Variants in SLC1A2 observed in about 807,000 individuals in gnomAD.
SLC1A2 encodes the protein excitatory amino acid transporter 2.
SLC1A2 carries 15 observed loss-of-function variants against 48.8 expected under a neutral mutation model. That is an observed-to-expected ratio of 0.31 (90% confidence interval 0.21 to 0.47). The LOEUF (loss-of-function observed/expected upper bound fraction) is 0.47, where lower values mean the gene tolerates loss of function less well. Among genes scored for constraint, SLC1A2 ranks in the 20% least tolerant of loss-of-function variants. SLC1A2 has a pLI of 0.99. For missense variants in SLC1A2, 502 were observed against 730.5 expected (o/e 0.69, Z 3.61); for synonymous variants, 279 against 272.6 (o/e 1.02, Z -0.23).
At chr11:35,304,874 C>T (rs2134821393) in intron 5 of SLC1A2, among the ~76,000 whole-genome samples, 1 of 152,176 alleles carries the variant, frequency 6.6e-6, no homozygotes, top group African/African-American at 2.4e-5. Flanking sequence ...AAACTATTTG[C>T]TTTTTATCTA....
At chr11:35,395,608 G>A (rs984441386) in intron 1 of SLC1A2, among the ~76,000 whole-genome samples, 1 of 151,840 alleles carries the variant, frequency 6.6e-6, no homozygotes, top group Non-Finnish European at 1.5e-5. Flanking sequence ...GAATATACCT[G>A]AGCCACAGTC....
intron 1 of SLC1A2, among the ~76,000 whole-genome samples, chr11:35,377,088 G>A (rs989886852): frequency 2.0e-5 from 3 of 152,152 alleles, no homozygotes; most frequent in Admixed American, 6.5e-5. Flanking sequence ...TCCAATGTGC[G>A]GGGCACTGAC....
chr11:35,397,950 T>G (rs1855016643), intron 1 of SLC1A2, among the ~76,000 whole-genome samples: 1 of 152,242 alleles, frequency 6.6e-6, no homozygotes, highest in Non-Finnish European at 1.5e-5. Flanking sequence ...CTCCATTTTC[T>G]TCTTTCTCCC....
intron 9 of SLC1A2, among the ~76,000 whole-genome samples, chr11:35,274,805 T>C (rs1850388164): frequency 6.6e-6 from 1 of 152,250 alleles, no homozygotes; most frequent in South Asian, 2.1e-4. Context: ...AACGAGCCCA[T>C]GTAAAGTGCT....
intron 10 of SLC1A2, chr11:35,264,178 T>C (rs887736451): frequency 6.6e-6 from 1 of 152,200 alleles, no homozygotes; most frequent in African/African-American, 2.4e-5. Flanking sequence ...TGTTCACCCA[T>C]GTATGTATCT....
At chr11:35,313,426 A>G (rs1320989055) in intron 3 of SLC1A2, among the ~76,000 whole-genome samples, 1 of 152,200 alleles carries the variant, frequency 6.6e-6, no homozygotes, top group Admixed American at 6.5e-5. Flanking sequence ...TTCCAAGCAA[A>G]TTCACAAAAA....
At chr11:35,300,439 G>A (rs1236771390) in intron 6 of SLC1A2, among the ~76,000 whole-genome samples, 3 of 152,346 alleles carry the variant, frequency 2.0e-5, no homozygotes, top group South Asian at 2.1e-4. Flanking sequence ...ATTAGGTGAT[G>A]AGGGCTGTGC....
At chr11:35,377,787 A>G (rs371047161) in intron 1 of SLC1A2, among the ~76,000 whole-genome samples, 1 of 152,248 alleles carries the variant, frequency 6.6e-6, no homozygotes, top group Non-Finnish European at 1.5e-5. Context: ...TCAAATCCAG[A>G]TAATTCAGAC....
intron 1 of SLC1A2, among the ~76,000 whole-genome samples, chr11:35,384,903 A>C (rs1383419260): frequency 3.3e-5 from 5 of 152,082 alleles, no homozygotes; most frequent in Non-Finnish European, 7.4e-5. Context: ...GTCTCAGTGC[A>C]AGATGGCTTC....
intron 1 of SLC1A2, among the ~76,000 whole-genome samples, chr11:35,411,825 T>C (rs1855471364): frequency 6.6e-6 from 1 of 152,174 alleles, no homozygotes; most frequent in Non-Finnish European, 1.5e-5. Flanking sequence ...TTAACTAAAC[T>C]TATTCTCACT....
In SLC1A2 at chr11:35,270,218, G is replaced by A. The variant is rs116142860; in HGVS notation, c.1422-4460C>T. Among the ~76,000 whole-genome samples, 1,144 of 152,322 alleles carry A rather than the reference G, an allele frequency of 7.5e-3. 15 individuals are homozygous for A. Among genetic ancestry groups the A allele is most frequent in the African/African-American group, 0.025 (1,055 of 41,564 alleles). ...AGATGCAAAGGGCCCTGGACCTTGG[G>A]TGAGAACACTAACCCAGGGCTTCTG... On this transcript the variant is annotated intron_variant, in intron 9 of 10. Coordinates refer to ENST00000278379, the MANE Select transcript of SLC1A2 (RefSeq NM_004171.4).
At chr11:35,382,891 A>G (rs1477577898) in intron 1 of SLC1A2, among the ~76,000 whole-genome samples, 3 of 152,238 alleles carry the variant, frequency 2.0e-5, no homozygotes, top group African/African-American at 7.2e-5. Context: ...CTAGGAGTGA[A>G]AAAAGCTTAA....
intron 10 of SLC1A2, chr11:35,264,156 T>C (rs1316898454): frequency 6.6e-6 from 1 of 152,220 alleles, no homozygotes; most frequent in African/African-American, 2.4e-5. Flanking sequence ...CCCTAATTTG[T>C]TTCAGAGTCC....
At chr11:35,365,120 C>T (rs558620864) in intron 1 of SLC1A2, among the ~76,000 whole-genome samples, 50 of 152,320 alleles carry the variant, frequency 3.3e-4, no homozygotes, top group African/African-American at 1.2e-3. Flanking sequence ...GTTTGCACAA[C>T]ACATGGGACA....
At chr11:35,324,637 C>A (rs1295953272) in intron 1 of SLC1A2, among the ~76,000 whole-genome samples, 1 of 152,102 alleles carries the variant, frequency 6.6e-6, no homozygotes, top group African/African-American at 2.4e-5. Flanking sequence ...GTGCTTTTTA[C>A]AAACAGAAAG....
At chr11:35,390,225 A>G (rs972564794) in intron 1 of SLC1A2, among the ~76,000 whole-genome samples, 5 of 152,198 alleles carry the variant, frequency 3.3e-5, no homozygotes, top group African/African-American at 1.2e-4. Context: ...TCTGTGTGCA[A>G]TCTACAGTAA....
intron 4 of SLC1A2, among the ~76,000 whole-genome samples, chr11:35,306,682 C>T (rs1425311725): frequency 6.6e-6 from 1 of 152,094 alleles, no homozygotes; most frequent in East Asian, 1.9e-4. Context: ...TTCGTCCTTC[C>T]CCTTTCCCCC....
At chr11:35,274,234 A>G (rs1476008407) in intron 9 of SLC1A2, among the ~76,000 whole-genome samples, 2 of 152,158 alleles carry the variant, frequency 1.3e-5, no homozygotes, top group African/African-American at 4.8e-5. Flanking sequence ...TGCTATGAAC[A>G]TGCATTTATT....
chr11:35,328,131 C>G (rs1287395102), intron 1 of SLC1A2, among the ~76,000 whole-genome samples: 1 of 152,146 alleles, frequency 6.6e-6, no homozygotes, highest in African/African-American at 2.4e-5. Flanking sequence ...GCCATGGCCC[C>G]AGATGTACCA....
Sources: allele counts gnomAD v4.1 joint callset (sites outside exome capture counted in the v4.1 genomes callset), GRCh38; gene constraint gnomAD v4.1.1; transcripts MANE v1.5; gene names NCBI Gene and HGNC (gene_info 2026-07-23, HGNC 2026-07-21).